Variants in RNF220 observed in about 807,000 individuals in gnomAD.
The protein encoded by RNF220 is ring finger protein 220, also known as E3 ubiquitin-protein ligase RNF220.
In RNF220, 7 loss-of-function variants were observed where a neutral mutation model predicts 67.1. That is an observed-to-expected ratio of 0.10 (90% CI 0.06 to 0.20). The LOEUF is 0.20. Among genes scored for constraint, RNF220 ranks in the 10% least tolerant of loss-of-function variants. The pLI, the probability that RNF220 is intolerant of heterozygous loss-of-function variation, is 1.00. For synonymous variants in RNF220, 270 were observed against 283.2 expected, an observed-to-expected ratio of 0.95 and a Z score of 0.47; for missense variants, 565 against 740.3, an observed-to-expected ratio of 0.76 and a Z score of 2.75.
intron 2 of RNF220, among the ~76,000 whole-genome samples, chr1:44,524,974 A>G (rs573393216): frequency 4.1e-5 from 6 of 147,520 alleles, no homozygotes; most frequent in Non-Finnish European, 6.0e-5. Flanking sequence ...AAAAAAAGGA[A>G]AAGAGAAAAA....
chr1:44,494,190 G>A (rs990035953), intron 2 of RNF220, among the ~76,000 whole-genome samples: 125 of 123,352 alleles, frequency 1.0e-3, no homozygotes, highest in African/African-American at 3.5e-3. Context: ...TGGGCAACAA[G>A]AGCAGAAACT....
intron 2 of RNF220, among the ~76,000 whole-genome samples, chr1:44,509,885 C>CGAAAAAAAAA (rs1658820552): frequency 9.4e-6 from 1 of 106,100 alleles, no homozygotes; most frequent in Non-Finnish European, 1.8e-5. Context: ...AGACCCTGTC[C>CGAAAAAAAAA]AAAAAAAAAA....
Position 44,412,357 on chromosome 1 carries a change from AT to A in RNF220, c.263del (p.Phe88SerfsTer17), listed in dbSNP as rs764467019. Reference sequence around the variant, plus strand: ...GTGCCAGGCACTTTTGCCAATCGTGATTTCCCCCCTTCTCTACTACACCTCC... The same window carrying A: ...GTGCCAGGCACTTTTGCCAATCGTGATTCCCCCCTTCTCTACTACACCTCC... ...GGVPGTFANR[D>X]FPPSLLHLHP... On this transcript the variant is annotated frameshift_variant, in exon 2 of 15. Transcript: ENST00000361799. LOFTEE classifies it high-confidence loss of function. This position sits in a 1 kb window ranked among gnomAD's most constrained non-coding sequence, Gnocchi z 5.3. 1 of 1,613,894 alleles carries A rather than the reference AT, an allele frequency of 6.2e-7. No individual in the cohort carries two copies. The highest frequency in any genetic ancestry group is 8.5e-7 in the Non-Finnish European group (1 of 1,179,950).
chr1:44,561,317 C>G (rs576791391), intron 2 of RNF220, among the ~76,000 whole-genome samples: 1 of 152,068 alleles, frequency 6.6e-6, no homozygotes, highest in African/African-American at 2.4e-5. Flanking sequence ...CAAGACTAGC[C>G]TGGCCAACAT....
intron 2 of RNF220, chr1:44,572,942 C>A: frequency 5.5e-6 from 2 of 364,492 alleles, no homozygotes; most frequent in Non-Finnish European, 1.1e-5. Flanking sequence ...GTGGAAATCA[C>A]GTTGAATGAA....
At chr1:44,427,885 G>T (rs893364406) in intron 2 of RNF220, among the ~76,000 whole-genome samples, 1 of 152,154 alleles carries the variant, frequency 6.6e-6, no homozygotes, top group Non-Finnish European at 1.5e-5. Context: ...GCACAGATTT[G>T]AGGTCTCTTA....
intron 2 of RNF220, among the ~76,000 whole-genome samples, chr1:44,605,163 G>T (rs1667182328): frequency 2.0e-5 from 3 of 152,088 alleles, no homozygotes; most frequent in African/African-American, 7.2e-5. Context: ...CCCGAGTGTG[G>T]TGGTGGGCAC....
intron 2 of RNF220, among the ~76,000 whole-genome samples, chr1:44,474,935 C>A (rs1307147623): frequency 6.6e-6 from 1 of 152,048 alleles, no homozygotes; most frequent in Admixed American, 6.6e-5. Flanking sequence ...ACTAATCCGC[C>A]ATGGATACGA....
intron 3 of RNF220, among the ~76,000 whole-genome samples, chr1:44,617,219 C>G (rs1643592339): frequency 6.6e-6 from 1 of 152,204 alleles, no homozygotes; most frequent in Non-Finnish European, 1.5e-5. Flanking sequence ...TCGATAAAGC[C>G]GAAACGCTGG....
intron 2 of RNF220, among the ~76,000 whole-genome samples, chr1:44,454,248 T>A (rs1652957117): frequency 6.6e-6 from 1 of 152,202 alleles, no homozygotes; most frequent in African/African-American, 2.4e-5. Flanking sequence ...TGTAAATTAT[T>A]TGAAACTGAT....
In RNF220 at chr1:44,554,712, G is replaced by T. The variant is rs949703001; in HGVS notation, c.626-59453G>T. Among the ~76,000 whole-genome samples, 5 of 152,224 alleles carry T rather than the reference G, an allele frequency of 3.3e-5. No individual in the cohort carries two copies. In the East Asian group the frequency reaches 9.7e-4, roughly 29 times the overall value. ...GCATCAGAGCAGTTCCTTGCATGCA[G>T]CCAGGTGGGGAGCCAGTCTGAGTTC... On this transcript the variant is annotated intron_variant, in intron 2 of 14. Coordinates refer to ENST00000361799, the MANE Select transcript of RNF220 (RefSeq NM_018150.4).
chr1:44,559,863 C>T (rs1663425980), intron 2 of RNF220, among the ~76,000 whole-genome samples: 1 of 152,366 alleles, frequency 6.6e-6, no homozygotes, highest in South Asian at 2.1e-4. Context: ...AACTTTGACC[C>T]ACTTTATTTG....
At chr1:44,632,088 G>A (rs912324060) in intron 5 of RNF220, 20 of 1,274,562 alleles carry the variant, frequency 1.6e-5, no homozygotes, top group Non-Finnish European at 2.0e-5. Flanking sequence ...CCAGAGCGCC[G>A]GAGGCCAGGG....
chr1:44,584,298 G>A (rs1281845390), intron 2 of RNF220, among the ~76,000 whole-genome samples: 1 of 152,226 alleles, frequency 6.6e-6, no homozygotes, highest in Admixed American at 6.5e-5. Context: ...TCATCAGGGC[G>A]GGTCAAGCTA....
chr1:44,412,808 C>A lies in RNF220; in HGVS notation c.625+86C>A. 6.8e-7 allele frequency: 1 copy of A among 1,476,116 alleles called. No homozygotes were observed. The highest frequency in any genetic ancestry group is 9.2e-7 in the Non-Finnish European group (1 of 1,088,940). 91.4% of individuals were successfully genotyped at this position (1,476,116 alleles called of 1,614,324 possible). On this transcript the variant is annotated intron_variant, in intron 2 of 14. Transcript: ENST00000361799. This position sits in a 1 kb window ranked among gnomAD's most constrained non-coding sequence, Gnocchi z 5.3. ...CAACAGGTCGGTGGCGTTTTGCATG[C>A]TCCTAGTAATAGGAAGGGCCAACTA...
At chr1:44,611,695 C>T (rs1157195632) in intron 2 of RNF220, among the ~76,000 whole-genome samples, 1 of 152,082 alleles carries the variant, frequency 6.6e-6, no homozygotes, top group Non-Finnish European at 1.5e-5. Flanking sequence ...ATAGTTCTCA[C>T]CAGCACTGAC....
chr1:44,413,820 C>T (rs946688153), intron 2 of RNF220, among the ~76,000 whole-genome samples: 3 of 152,080 alleles, frequency 2.0e-5, no homozygotes, highest in Admixed American at 6.5e-5. Flanking sequence ...TTTATGATGC[C>T]GAGGAGAGTA....
intron 2 of RNF220, among the ~76,000 whole-genome samples, chr1:44,592,438 A>G (rs561628630): frequency 1.3e-5 from 2 of 151,932 alleles, no homozygotes; most frequent in African/African-American, 4.8e-5. Context: ...TGCCTTCCTC[A>G]TGACACAGCC....
chr1:44,617,258 T>C (rs2148437656), intron 3 of RNF220, among the ~76,000 whole-genome samples: 1 of 152,216 alleles, frequency 6.6e-6, no homozygotes, highest in Middle Eastern at 3.4e-3. Flanking sequence ...TTTATCTGTC[T>C]CGGCCCCGCC....
Sources: allele counts gnomAD v4.1 joint callset (sites outside exome capture counted in the v4.1 genomes callset), GRCh38; gene constraint gnomAD v4.1.1; non-coding constraint Gnocchi (gnomAD v3.1); transcripts MANE v1.5; gene names NCBI Gene and HGNC (gene_info 2026-07-23, HGNC 2026-07-21).